Variants in DNM3 observed in about 807,000 individuals in gnomAD.
DNM3 encodes the protein dynamin-3.
A neutral mutation model predicts 101.6 loss-of-function variants in DNM3; 47 were observed. The observed-to-expected ratio is 0.46, with a 90% CI of 0.37 to 0.59. The LOEUF (loss-of-function observed/expected upper bound fraction) is 0.59. Ranked by LOEUF, DNM3 falls within the 20% of genes least tolerant of loss-of-function variation. DNM3 has a pLI of 0.00. For missense variants in DNM3, 849 were observed against 1,085.7 expected, an observed-to-expected ratio of 0.78 and a Z score of 3.06; for synonymous variants, 385 against 387.9, an observed-to-expected ratio of 0.99 and a Z score of 0.09.
intron 17 of DNM3, among the ~76,000 whole-genome samples, chr1:172,360,722 G>A (rs148384666): frequency 1.2e-3 from 176 of 152,064 alleles, no homozygotes; most frequent in African/African-American, 4.0e-3. Context: ...GGTAGTCTGC[G>A]GTTGCTTGTA....
intron 14 of DNM3, among the ~76,000 whole-genome samples, chr1:172,195,328 A>G (rs994296485): frequency 6.6e-5 from 10 of 151,914 alleles, no homozygotes; most frequent in Admixed American, 1.3e-4. Context: ...CTTTGGGACA[A>G]TTGTTCAGAA....
chr1:172,011,967 A>C (rs1172061586), intron 4 of DNM3, among the ~76,000 whole-genome samples: 1 of 152,078 alleles, frequency 6.6e-6, no homozygotes, highest in South Asian at 2.1e-4. Flanking sequence ...CACATGCAGC[A>C]GGTTTACAAA....
At chr1:172,183,238 G>A (rs2059409349) in intron 14 of DNM3, among the ~76,000 whole-genome samples, 1 of 152,052 alleles carries the variant, frequency 6.6e-6, no homozygotes. Flanking sequence ...ACCCAATAGA[G>A]ATATATTTTA....
At chr1:172,298,842 G>A (rs1426739902) in intron 15 of DNM3, among the ~76,000 whole-genome samples, 1 of 145,602 alleles carries the variant, frequency 6.9e-6, no homozygotes, top group East Asian at 2.0e-4. Flanking sequence ...AGGAAGGACA[G>A]AAAGAAGAAA....
intron 10 of DNM3, among the ~76,000 whole-genome samples, chr1:172,064,920 T>C (rs2051534731): frequency 6.6e-6 from 1 of 152,146 alleles, no homozygotes; most frequent in African/African-American, 2.4e-5. Context: ...TTCAGGCTTA[T>C]TGACTTCCAG....
chr1:172,075,159 A>AT (rs397953576), intron 11 of DNM3, among the ~76,000 whole-genome samples: 45,578 of 147,074 alleles, frequency 0.31, 7,103 homozygotes, highest in East Asian at 0.53. Flanking sequence ...CCACTTTTTG[A>AT]TTTTTTTTTT....
chr1:172,253,678 C>A lies in DNM3; in HGVS notation c.1765C>A (p.Gln589Lys). The A allele has an allele frequency of 6.4e-7, 1 of 1,557,694 alleles. No homozygotes were observed. The highest frequency in any genetic ancestry group is 8.7e-7 in the Non-Finnish European group (1 of 1,150,332). Residue 589 changes from glutamine to lysine, a missense_variant, in exon 15 of 21, where the codon CAA (glutamine) becomes AAA (lysine). This residue lies in a region of DNM3 where 193 missense variants were observed against 238.4 expected (regional missense o/e 0.81). Transcript: ENST00000627582. ...KHIFALFNTE[Q>K]RNVYKDYRFL... The stretch of plus-strand genomic sequence containing the variant: ...CATCTTTGCACTCTTTAATACAGAG[C>A]AAAGGTAAGAAATTGAAACAGTTCC...
intron 17 of DNM3, chr1:172,370,191 A>C (rs902886381): frequency 1.3e-5 from 2 of 151,874 alleles, no homozygotes; most frequent in Non-Finnish European, 2.9e-5. Flanking sequence ...TATTAAGGTA[A>C]ATTTCAACAC....
At chr1:172,012,196 C>T (rs1455685175) in intron 4 of DNM3, among the ~76,000 whole-genome samples, 9 of 152,016 alleles carry the variant, frequency 5.9e-5, no homozygotes, top group African/African-American at 2.2e-4. Flanking sequence ...ATTTCTTCTC[C>T]ATGATGTTTT....
At chr1:172,273,833 A>G (rs1486560110) in intron 15 of DNM3, among the ~76,000 whole-genome samples, 11 of 152,192 alleles carry the variant, frequency 7.2e-5, no homozygotes, top group Admixed American at 6.6e-5. Flanking sequence ...GACTCCTGAA[A>G]GAGTCCTGTG....
intron 14 of DNM3, among the ~76,000 whole-genome samples, chr1:172,210,314 C>CTTTTTT (rs11330467): frequency 1.3e-4 from 11 of 84,880 alleles, no homozygotes; most frequent in African/African-American, 1.5e-4. Flanking sequence ...AGAGAGCGTG[C>CTTTTTT]TTTTTTTTTT....
At chr1:172,362,756 C>T (rs2067808467) in intron 17 of DNM3, among the ~76,000 whole-genome samples, 1 of 151,608 alleles carries the variant, frequency 6.6e-6, no homozygotes, top group African/African-American at 2.4e-5. Context: ...CCTCCTAATC[C>T]AGCTTCTGGC....
chr1:172,267,148 C>T (rs994590725), intron 15 of DNM3, among the ~76,000 whole-genome samples: 1 of 152,198 alleles, frequency 6.6e-6, no homozygotes, highest in African/African-American at 2.4e-5. Flanking sequence ...TAAAATGTAA[C>T]AATTCTATAA....
chr1:171,870,617 T>C (rs1312804009), intron 1 of DNM3, among the ~76,000 whole-genome samples: 3 of 152,212 alleles, frequency 2.0e-5, no homozygotes, highest in Non-Finnish European at 2.9e-5. Context: ...GCTTATTATG[T>C]GCCTATCACT....
intron 1 of DNM3, among the ~76,000 whole-genome samples, chr1:171,868,555 C>T (rs1016650638): frequency 6.6e-6 from 1 of 152,176 alleles, no homozygotes; most frequent in Admixed American, 6.5e-5. Context: ...ATGGCATCTT[C>T]ACAGCCATGC....
intron 4 of DNM3, among the ~76,000 whole-genome samples, chr1:171,995,733 C>T (rs1038953351): frequency 6.6e-6 from 1 of 152,146 alleles, no homozygotes; most frequent in African/African-American, 2.4e-5. Flanking sequence ...GGCCTGTTCT[C>T]ACCACTTAAT....
In DNM3 at chr1:172,283,520, G is replaced by A. The variant is rs894562220; in HGVS notation, c.1770-25208G>A. Among the ~76,000 whole-genome samples, 4 of 151,996 alleles carry A rather than the reference G, an allele frequency of 2.6e-5. No homozygotes were observed. In the East Asian group the frequency reaches 5.8e-4, roughly 22 times the overall value. ...CTCACACCTGTAATCCCATCACTTT[G>A]GGAGGCCAAGGTGGGCAGATCATGA... On this transcript the variant is annotated intron_variant, in intron 15 of 20. Coordinates refer to ENST00000627582, the MANE Select transcript of DNM3 (RefSeq NM_015569.5).
At chr1:171,859,282 C>T (rs1157135494) in intron 1 of DNM3, among the ~76,000 whole-genome samples, 1 of 152,164 alleles carries the variant, frequency 6.6e-6, no homozygotes, top group East Asian at 1.9e-4. Flanking sequence ...GATACCCCAA[C>T]TGCCTCCCAC....
intron 6 of DNM3, among the ~76,000 whole-genome samples, chr1:172,037,965 G>C (rs184405192): frequency 1.3e-5 from 2 of 152,240 alleles, no homozygotes; most frequent in South Asian, 4.1e-4. Context: ...CTAACTTAAG[G>C]TTCCTTTCTA....
Sources: gnomAD v4.1 joint callset for allele counts (sites outside exome capture counted in the v4.1 genomes callset) on GRCh38, gnomAD v4.1.1 for gene constraint, gnomAD v4.1.1 regional missense constraint, MANE v1.5 for transcripts, NCBI Gene and HGNC (gene_info 2026-07-23, HGNC 2026-07-21) for gene names.